UNC13B: variants seen among roughly 807,000 people sequenced by gnomAD.
UNC13B encodes unc-13 homolog B.
A neutral mutation model predicts 211.0 loss-of-function variants in UNC13B; 144 were observed. The ratio of observed to expected loss-of-function variants is 0.68; its 90% CI spans 0.60 to 0.78. The LOEUF (loss-of-function observed/expected upper bound fraction) is 0.78, where lower values mean the gene tolerates loss of function less well. Ranked by LOEUF, UNC13B falls within the 30% of genes least tolerant of loss-of-function variation. The probability of loss-of-function intolerance (pLI) is 0.00; values close to 1 mark genes in which losing one functional copy is unlikely to be tolerated. For synonymous variants in UNC13B, 709 were observed against 725.8 expected (o/e 0.98, Z 0.37); for missense variants, 1,777 against 2,002.0 (o/e 0.89, Z 2.14).
At chr9:35,372,447 G>GC (rs1554711127) in intron 13 of UNC13B, among the ~76,000 whole-genome samples, 2 of 149,680 alleles carry the variant, frequency 1.3e-5, no homozygotes, top group Admixed American at 6.6e-5. Flanking sequence ...AGATACATGG[G>GC]CCCTGTGCAA....
At chr9:35,212,166 C>A (rs1194787976) in intron 1 of UNC13B, among the ~76,000 whole-genome samples, 1 of 152,196 alleles carries the variant, frequency 6.6e-6, no homozygotes, top group South Asian at 2.1e-4. Context: ...TGAAGTTAGA[C>A]CCTAAGGTAA....
intron 11 of UNC13B, among the ~76,000 whole-genome samples, chr9:35,347,862 C>G (rs1461781363): frequency 6.6e-6 from 1 of 152,132 alleles, no homozygotes; most frequent in Non-Finnish European, 1.5e-5. Context: ...CCATTTGCCC[C>G]CTGTGTGGCT....
At chr9:35,168,605 C>T (rs534843182) in intron 1 of UNC13B, among the ~76,000 whole-genome samples, 1 of 152,276 alleles carries the variant, frequency 6.6e-6, no homozygotes, top group South Asian at 2.1e-4. Context: ...GTTGAAAAGA[C>T]CAAAGACTCT....
intron 11 of UNC13B, among the ~76,000 whole-genome samples, chr9:35,334,391 C>T (rs1831538548): frequency 6.6e-6 from 1 of 152,176 alleles, no homozygotes; most frequent in Admixed American, 6.5e-5. Context: ...TGGTTAAAAA[C>T]CTCTTCTGCT....
intron 1 of UNC13B, among the ~76,000 whole-genome samples, chr9:35,185,793 C>G (rs985819951): frequency 1.3e-5 from 2 of 151,734 alleles, no homozygotes; most frequent in Non-Finnish European, 2.9e-5. Flanking sequence ...TGGCACATGT[C>G]TGTATTCCCA....
intron 7 of UNC13B, among the ~76,000 whole-genome samples, chr9:35,277,540 C>T (rs1234818215): frequency 6.6e-6 from 1 of 151,884 alleles, no homozygotes; most frequent in African/African-American, 2.4e-5. Flanking sequence ...AAAAGAAATC[C>T]AGAGCCCTGA....
At chr9:35,366,622 C>T (rs889128166) in intron 11 of UNC13B, among the ~76,000 whole-genome samples, 1 of 152,184 alleles carries the variant, frequency 6.6e-6, no homozygotes, top group Admixed American at 6.5e-5. Flanking sequence ...GTAGGCCCTT[C>T]TCCTGTGCTT....
intron 6 of UNC13B, among the ~76,000 whole-genome samples, chr9:35,254,851 A>C (rs1826727224): frequency 7.1e-6 from 1 of 140,124 alleles, no homozygotes. Context: ...CGCTTTTTCT[A>C]AGTGTTGAAT....
chr9:35,297,090 CT>C (rs201558543), intron 8 of UNC13B, among the ~76,000 whole-genome samples: 135 of 128,120 alleles, frequency 1.1e-3, no homozygotes, highest in Admixed American at 1.4e-3. Flanking sequence ...TTTTAAGAAG[CT>C]TTTTTTTTTT....
intron 13 of UNC13B, among the ~76,000 whole-genome samples, chr9:35,371,747 C>G (rs981254998): frequency 6.6e-6 from 1 of 152,096 alleles, no homozygotes; most frequent in Non-Finnish European, 1.5e-5. Context: ...AGTAGGTGCT[C>G]TAGGCTTTGG....
At chr9:35,319,526 T>TG (rs1224639721) in intron 11 of UNC13B, among the ~76,000 whole-genome samples, 1 of 151,754 alleles carries the variant, frequency 6.6e-6, no homozygotes, top group Non-Finnish European at 1.5e-5. Context: ...ACCCATGTAG[T>TG]GAACATAGTA....
Position 35,399,690 on chromosome 9 carries a change from G to T in UNC13B, c.12297G>T (p.Lys4099Asn), listed in dbSNP as rs1411285500. 1.2e-6 allele frequency: 2 copies of T among 1,614,104 alleles called. No homozygotes were observed. Among genetic ancestry groups the T allele is most frequent in the Non-Finnish European group, 1.7e-6 (2 of 1,180,018 alleles). The change falls in exon 36 of 40, where the codon AAG (lysine) becomes AAT (asparagine). Residue 4099 changes from lysine (K) to asparagine (N), a missense_variant. Physicochemically the swap from Lys to Asn is moderately conservative, Grantham distance 94. Transcript: ENST00000635942. The part of the protein sequence containing the change: ...VREETRNLTP[K>N]QCAVLDLALD... ...AGGAAACACGGAATCTCACTCCAAA[G>T]CAGTGTGCAGTCCTTGACCTCGCCC...
At chr9:35,264,209 G>A (rs1347081336) in intron 7 of UNC13B, among the ~76,000 whole-genome samples, 1 of 152,076 alleles carries the variant, frequency 6.6e-6, no homozygotes, top group East Asian at 1.9e-4. Flanking sequence ...AAAGAGGAGA[G>A]CTACAGAGAA....
chr9:35,378,350 C>G lies in UNC13B; in HGVS notation c.10119C>G (p.Tyr3373Ter). The change falls in exon 17 of 40, where the codon TAC becomes TAG. Residue 3373 changes from tyrosine (Y) to a stop codon, truncating the protein, a stop_gained. Coordinates refer to ENST00000635942, the MANE Select transcript of UNC13B (RefSeq NM_001371189.2). LOFTEE classifies it high-confidence loss of function. ...ACAAAACAGGATCCAGTGACCCTTA[C>G]GTGACTGTGCAAGTCAGCAAAACTA... Reference protein sequence around the residue: ...AKDKTGSSDPYVTVQVSKTKK... With the variant: ...AKDKTGSSDP The G allele has an allele frequency of 6.2e-7, 1 of 1,614,108 alleles. No homozygotes were observed. Among genetic ancestry groups the G allele is most frequent in the Non-Finnish European group, 8.5e-7 (1 of 1,180,012 alleles).
intron 1 of UNC13B, among the ~76,000 whole-genome samples, chr9:35,176,025 CAAAAA>C (rs10608620): frequency 8.3e-5 from 8 of 96,182 alleles, no homozygotes; most frequent in Admixed American, 1.1e-4. Flanking sequence ...GACTCTGTCT[CAAAAA>C]AAAAAAAAAA....
chr9:35,366,917 A>G (rs371227892), intron 11 of UNC13B, 30 bp from the exon 12 acceptor site: 193 of 1,600,894 alleles, frequency 1.2e-4, no homozygotes, highest in Non-Finnish European at 1.5e-4. Flanking sequence ...CTTTCCCAGG[A>G]TCTAACTTGT....
intron 11 of UNC13B, among the ~76,000 whole-genome samples, chr9:35,316,839 A>G (rs1362735076): frequency 6.6e-6 from 1 of 152,140 alleles, no homozygotes; most frequent in African/African-American, 2.4e-5. Flanking sequence ...CCATGTATTG[A>G]AGTAATTGAA....
At chr9:35,186,105 C>T (rs1047959078) in intron 1 of UNC13B, among the ~76,000 whole-genome samples, 2 of 152,078 alleles carry the variant, frequency 1.3e-5, no homozygotes, top group Non-Finnish European at 2.9e-5. Flanking sequence ...AGTTTAGACA[C>T]AACTGACCAG....
chr9:35,326,296 C>A (rs551086211), intron 11 of UNC13B, among the ~76,000 whole-genome samples: 13 of 152,258 alleles, frequency 8.5e-5, no homozygotes, highest in African/African-American at 3.1e-4. Context: ...TCCTCTTAAA[C>A]ATAGGGGATA....
Sources: gnomAD v4.1 joint callset for allele counts (sites outside exome capture counted in the v4.1 genomes callset) on GRCh38, gnomAD v4.1.1 for gene constraint, MANE v1.5 for transcripts, NCBI Gene and HGNC (gene_info 2026-07-23, HGNC 2026-07-21) for gene names.